SEM1: variants seen among roughly 807,000 people sequenced by gnomAD.
The protein encoded by SEM1 is 26S proteasome complex subunit SEM1.
Under a neutral mutation model 12.7 loss-of-function variants are expected in SEM1, and 3 were observed. The ratio of observed to expected loss-of-function variants is 0.24; its 90% CI spans 0.11 to 0.61. The LOEUF (loss-of-function observed/expected upper bound fraction) is 0.61, where lower values mean the gene tolerates loss of function less well. Ranked by LOEUF, SEM1 falls within the 20% of genes least tolerant of loss-of-function variation. The pLI, the probability that SEM1 is intolerant of heterozygous loss-of-function variation, is 0.88. For synonymous variants in SEM1, 30 were observed against 27.8 expected (o/e 1.08, Z -0.25); for missense variants, 59 against 81.3 (o/e 0.73, Z 1.06).
downstream of SEM1, among the ~76,000 whole-genome samples, chr7:96,686,079 C>G (rs1018361301): frequency 1.2e-4 from 19 of 152,088 alleles, no homozygotes; most frequent in Non-Finnish European, 2.4e-4. Context: ...CTTTTACTTC[C>G]TAACTTACTC....
At chr7:96,645,910 T>C (rs1808776768) in intron 2 of SEM1, 1 of 398,332 alleles carries the variant, frequency 2.5e-6, no homozygotes, top group Non-Finnish European at 4.4e-6. Context: ...TGCCATCTTT[T>C]ATGGGTAGAG....
chr7:96,630,839 G>T (rs528018316), intron 2 of SEM1, among the ~76,000 whole-genome samples: 1 of 151,148 alleles, frequency 6.6e-6, no homozygotes, highest in South Asian at 2.1e-4. Context: ...GGACTCTTTA[G>T]TTAGGAGATA....
chr7:96,608,686 T>G (rs1206238768), intron 2 of SEM1, among the ~76,000 whole-genome samples: 1 of 152,226 alleles, frequency 6.6e-6, no homozygotes, highest in East Asian at 1.9e-4. Flanking sequence ...TGTAGTCTTT[T>G]CTGACTGGCT....
At chr7:96,680,653 T>C (rs1030642123) in intron 2 of SEM1, among the ~76,000 whole-genome samples, 9 of 151,986 alleles carry the variant, frequency 5.9e-5, no homozygotes, top group Admixed American at 3.3e-4. Flanking sequence ...ACAAAGAGGG[T>C]AGGAGTATAA....
At chr7:96,705,149 T>C (rs1179143173) in intron 1 of SEM1, among the ~76,000 whole-genome samples, 1 of 152,114 alleles carries the variant, frequency 6.6e-6, no homozygotes, top group Admixed American at 6.5e-5. Context: ...CAGATTCCCA[T>C]CATAACACTG....
chr7:96,506,020 A>G (rs1803744702), intron 3 of SEM1, among the ~76,000 whole-genome samples: 1 of 152,132 alleles, frequency 6.6e-6, no homozygotes, highest in Non-Finnish European at 1.5e-5. Flanking sequence ...CATGGATTTA[A>G]ATGTATTTGA....
intron 2 of SEM1, among the ~76,000 whole-genome samples, chr7:96,566,272 G>A (rs1169993242): frequency 6.6e-6 from 1 of 151,614 alleles, no homozygotes; most frequent in African/African-American, 2.4e-5. Flanking sequence ...TCACCCTGGA[G>A]AGATAATGTG....
At chr7:96,707,386 A>AT (rs1338159092) in intron 1 of SEM1, among the ~76,000 whole-genome samples, 2 of 152,230 alleles carry the variant, frequency 1.3e-5, no homozygotes, top group Admixed American at 6.5e-5. Context: ...TTGTGGGATG[A>AT]TTTTCTCACA....
At chr7:96,598,449 T>C (rs1807075712) in intron 2 of SEM1, among the ~76,000 whole-genome samples, 1 of 152,066 alleles carries the variant, frequency 6.6e-6, no homozygotes, top group Admixed American at 6.6e-5. Flanking sequence ...TGGCTTTGTC[T>C]CTAAGACCAC....
chr7:96,501,656 T>C (rs1170778794), intron 3 of SEM1, among the ~76,000 whole-genome samples: 2 of 152,166 alleles, frequency 1.3e-5, no homozygotes. Context: ...ACATAATAGC[T>C]CAGTAAACAT....
intron 2 of SEM1, among the ~76,000 whole-genome samples, chr7:96,593,602 TC>T (rs1369141927): frequency 6.6e-6 from 1 of 152,100 alleles, no homozygotes; most frequent in Non-Finnish European, 1.5e-5. Context: ...GATTAAGACC[TC>T]CAGAAAATGG....
At chr7:96,494,460 G>C (rs974853258) in intron 1 of SEM1, among the ~76,000 whole-genome samples, 1 of 151,992 alleles carries the variant, frequency 6.6e-6, no homozygotes, top group Admixed American at 6.6e-5. Flanking sequence ...CTTGAGAAGG[G>C]CTTAGGAGGA....
At chr7:96,605,754 T>C (rs1158286612) in intron 2 of SEM1, among the ~76,000 whole-genome samples, 1 of 152,204 alleles carries the variant, frequency 6.6e-6, no homozygotes, top group Non-Finnish European at 1.5e-5. Flanking sequence ...TATCCGTGCT[T>C]TCACTTTTTG....
intron 1 of SEM1, among the ~76,000 whole-genome samples, chr7:96,492,585 A>ATTT (rs59252542): frequency 7.5e-5 from 6 of 79,674 alleles, no homozygotes; most frequent in Non-Finnish European, 1.1e-4. Context: ...AATTTTTTGT[A>ATTT]TTTTTTTTTT....
intron 2 of SEM1, among the ~76,000 whole-genome samples, chr7:96,575,801 G>GA (rs1806186278): frequency 6.6e-6 from 1 of 152,010 alleles, no homozygotes; most frequent in Non-Finnish European, 1.5e-5. Flanking sequence ...TATAGAATGA[G>GA]AAAAAAATAT....
intron 2 of SEM1, among the ~76,000 whole-genome samples, chr7:96,550,644 T>G (rs560723335): frequency 2.0e-5 from 3 of 152,314 alleles, no homozygotes; most frequent in South Asian, 4.1e-4. Flanking sequence ...TTATTTGCTT[T>G]TAAAAATAAA....
chr7:96,483,127 T>A (rs1041643559), exon 4 of SEM1: 1 of 152,200 alleles, frequency 6.6e-6, no homozygotes, highest in Non-Finnish European at 1.5e-5. Context: ...AATAAGTACT[T>A]CATAGGCATT....
rs532882977 is a variant in SEM1 at position 96,535,633 on chromosome 7, C to T, written c.171-28935G>A. On this transcript the variant is annotated intron_variant and NMD_transcript_variant, in intron 2 of 3. Transcript: ENST00000466986. ...TCTCTCCTCTCCCCTTCCTTCCTCC[C>T]CAGTATCTGTTGTTCGCCTCTTTCT... 2.6e-5 allele frequency among the ~76,000 whole-genome samples: 4 copies of T among 151,932 alleles called. No homozygotes were observed. The South Asian group carries it at 8.3e-4, about 32-fold the overall frequency.
intron 2 of SEM1, among the ~76,000 whole-genome samples, chr7:96,510,363 T>C (rs927819529): frequency 2.0e-5 from 3 of 152,170 alleles, no homozygotes; most frequent in Non-Finnish European, 2.9e-5. Context: ...GCTATATGAT[T>C]AACTTATTGC....
Sources: allele counts gnomAD v4.1 joint callset (sites outside exome capture counted in the v4.1 genomes callset), GRCh38; gene constraint gnomAD v4.1.1; transcripts MANE v1.5; gene names NCBI Gene and HGNC (gene_info 2026-07-23, HGNC 2026-07-21).